Variants in YY1AP1 observed in about 807,000 individuals in gnomAD.
YY1AP1 encodes YY1-associated protein 1.
YY1AP1 carries 43 observed loss-of-function variants against 39.9 expected under a neutral mutation model. The ratio of observed to expected loss-of-function variants is 1.08; its 90% CI spans 0.84 to 1.39. The LOEUF is 1.39. Among genes scored for constraint, YY1AP1 ranks in the 40% most tolerant of loss-of-function variants. The pLI is 0.00. For synonymous variants in YY1AP1, 292 were observed against 331.3 expected (o/e 0.88, Z 1.29); for missense variants, 813 against 900.7 (o/e 0.90, Z 1.25).
chr1:155,667,113 G>A (rs1003716407), intron 9 of YY1AP1, among the ~76,000 whole-genome samples: 15 of 152,230 alleles, frequency 9.9e-5, no homozygotes, highest in Admixed American at 7.8e-4. Flanking sequence ...TTGAGCCTAG[G>A]AGTTCAAGGC....
At chr1:155,688,342 G>A in intron 1 of YY1AP1, 141 bp from the exon 2 acceptor site, 1 of 1,549,590 alleles carries the variant, frequency 6.5e-7, no homozygotes, top group Non-Finnish European at 8.7e-7. Context: ...GGCGGCAGCA[G>A]AGTGGCCGCG....
chr1:155,667,378 C>T (rs1649162556), intron 9 of YY1AP1, among the ~76,000 whole-genome samples: 1 of 151,990 alleles, frequency 6.6e-6, no homozygotes, highest in Non-Finnish European at 1.5e-5. Context: ...GTGGCATGCA[C>T]CTGTAGTCCA....
At chr1:155,679,062 T>A in intron 4 of YY1AP1, 2 of 1,165,980 alleles carry the variant, frequency 1.7e-6, no homozygotes, top group Middle Eastern at 3.8e-4. Flanking sequence ...TAATGGCACA[T>A]AAAAAGAACA....
intron 6 of YY1AP1, among the ~76,000 whole-genome samples, chr1:155,673,480 T>C (rs1650160784): frequency 6.6e-6 from 1 of 152,174 alleles, no homozygotes; most frequent in South Asian, 2.1e-4. Context: ...CAAAGAAGAC[T>C]TACTGAAGAA....
chr1:155,681,595 A>C (rs1230669469), intron 2 of YY1AP1, among the ~76,000 whole-genome samples: 1 of 150,816 alleles, frequency 6.6e-6, no homozygotes, highest in Admixed American at 6.6e-5. Context: ...TCTCCAAAAA[A>C]AAAAGAGACA....
chr1:155,668,165 G>T (rs1011601743), intron 9 of YY1AP1, among the ~76,000 whole-genome samples: 2 of 152,110 alleles, frequency 1.3e-5, no homozygotes, highest in Non-Finnish European at 2.9e-5. Flanking sequence ...AGCTGAGCGT[G>T]GTGGGCACGC....
At chr1:155,667,497 C>G (rs1649185299) in intron 9 of YY1AP1, among the ~76,000 whole-genome samples, 1 of 144,092 alleles carries the variant, frequency 6.9e-6, no homozygotes, top group Middle Eastern at 3.4e-3. Flanking sequence ...GAACCTGTCT[C>G]TAAAAAAAAA....
At chr1:155,666,665 A>G (rs920738599) in intron 9 of YY1AP1, among the ~76,000 whole-genome samples, 17 of 152,118 alleles carry the variant, frequency 1.1e-4, no homozygotes, top group African/African-American at 3.9e-4. Context: ...CAAAAATTGA[A>G]GACCAGCCTG....
Position 155,688,726 on chromosome 1 carries a change from C to T in YY1AP1, c.-219G>A, listed in dbSNP as rs780567044. ...TCCTCCCCCTCCCTCCCCGCCCGCA[C>T]GGCCACCAACCGCCGCCAAAGCAGC... On this transcript the variant is annotated 5_prime_UTR_variant, in exon 1 of 11. The change creates a new upstream start codon in the 5' untranslated region. Transcript: ENST00000355499. 7.9e-6 allele frequency: 12 copies of T among 1,516,898 alleles called. No individual in the cohort carries two copies. The highest frequency in any genetic ancestry group is 9.7e-6 in the Non-Finnish European group (11 of 1,139,488). 94.0% of individuals were successfully genotyped at this position (1,516,898 alleles called of 1,614,324 possible). A position where few individuals can be genotyped will look rare whatever the true frequency, so the allele number is the denominator to read the frequency against.
chr1:155,663,490 G>A (rs1648487127), intron 9 of YY1AP1, among the ~76,000 whole-genome samples: 1 of 152,108 alleles, frequency 6.6e-6, no homozygotes. Context: ...GGAGGCTGAG[G>A]TGGGTGGGTC....
intron 5 of YY1AP1, 125 bp downstream of exon 5, chr1:155,676,423 G>T: frequency 1.7e-6 from 2 of 1,148,326 alleles, no homozygotes; most frequent in Non-Finnish European, 2.5e-6. Flanking sequence ...AAGATACTAC[G>T]GTTTTAATAC....
At chr1:155,673,654 C>T (rs566928316) in intron 6 of YY1AP1, among the ~76,000 whole-genome samples, 1 of 152,204 alleles carries the variant, frequency 6.6e-6, no homozygotes, top group Non-Finnish European at 1.5e-5. Context: ...AGTGATCCTC[C>T]TACCTCAGTC....
At chr1:155,662,591 A>G (rs1296232137) in intron 9 of YY1AP1, among the ~76,000 whole-genome samples, 2 of 152,176 alleles carry the variant, frequency 1.3e-5, no homozygotes, top group Non-Finnish European at 2.9e-5. Context: ...GATGTTTTCT[A>G]TATCCTAGGC....
chr1:155,663,272 G>A (rs914201240), intron 9 of YY1AP1, among the ~76,000 whole-genome samples: 3 of 151,182 alleles, frequency 2.0e-5, no homozygotes, highest in Non-Finnish European at 4.4e-5. Context: ...TCGGGAGGCT[G>A]AGGCACGAGA....
intron 7 of YY1AP1, chr1:155,670,887 G>C (rs925780967): frequency 1.6e-5 from 3 of 185,966 alleles, no homozygotes; most frequent in Non-Finnish European, 3.4e-5. Flanking sequence ...TAGACAGGAT[G>C]GTCTTGATCT....
At chr1:155,662,221 T>C (rs1273068059) in intron 9 of YY1AP1, among the ~76,000 whole-genome samples, 1 of 151,570 alleles carries the variant, frequency 6.6e-6, no homozygotes, top group Non-Finnish European at 1.5e-5. Flanking sequence ...CTGGCCTTGG[T>C]GGCTCACATC....
At chr1:155,682,903 T>C (rs1651723559) in intron 2 of YY1AP1, among the ~76,000 whole-genome samples, 2 of 151,404 alleles carry the variant, frequency 1.3e-5, no homozygotes, top group African/African-American at 4.9e-5. Flanking sequence ...CTGGCCAACC[T>C]GGTGAAACCC....
At chr1:155,670,228 T>G in intron 8 of YY1AP1, 92 bp downstream of exon 8, 1 of 1,556,268 alleles carries the variant, frequency 6.4e-7, no homozygotes, top group Non-Finnish European at 8.8e-7. Flanking sequence ...TTTGTGTCCA[T>G]GTCTTATTAT....
chr1:155,688,769 C>T lies in YY1AP1; in HGVS notation c.-262G>A. The T allele has an allele frequency of 1.3e-6, 2 of 1,533,668 alleles. No individual in the cohort carries two copies. Among genetic ancestry groups the T allele is most frequent in the South Asian group, 1.2e-5 (1 of 82,576 alleles). Reference sequence around the variant, plus strand: ...AAAGCAGCCGCCGCCAGCACCCCCACCCTACACTCCTCGCGCGTGCGCCTC... The same window carrying T: ...AAAGCAGCCGCCGCCAGCACCCCCATCCTACACTCCTCGCGCGTGCGCCTC... On this transcript the variant is annotated 5_prime_UTR_variant, in exon 1 of 11. In the 5' UTR this introduces an upstream ATG that the reference lacks. Transcript: ENST00000355499.
Sources: allele counts gnomAD v4.1 joint callset (sites outside exome capture counted in the v4.1 genomes callset), GRCh38; gene constraint gnomAD v4.1.1; transcripts MANE v1.5; gene names NCBI Gene and HGNC (gene_info 2026-07-23, HGNC 2026-07-21).